Variants in SLC9A9 observed in about 807,000 individuals in gnomAD.
SLC9A9 encodes sodium/hydrogen exchanger 9.
In SLC9A9, 62 loss-of-function variants were observed where a neutral mutation model predicts 77.8. The ratio of observed to expected loss-of-function variants is 0.80; its 90% CI spans 0.65 to 0.98. SLC9A9 has a LOEUF of 0.98. SLC9A9 is among the 50% of genes least tolerant of loss of function. The pLI is 0.00. For missense variants in SLC9A9, 775 were observed against 774.9 expected, an observed-to-expected ratio of 1.00 and a Z score of 0.00; for synonymous variants, 320 against 283.5, an observed-to-expected ratio of 1.13 and a Z score of -1.29.
intron 12 of SLC9A9, among the ~76,000 whole-genome samples, chr3:143,455,875 C>T (rs934702284): frequency 6.6e-6 from 1 of 151,202 alleles, no homozygotes; most frequent in Non-Finnish European, 1.5e-5. Flanking sequence ...TTCTCTCTCT[C>T]TACACTGTAT....
intron 1 of SLC9A9, among the ~76,000 whole-genome samples, chr3:143,841,842 A>T (rs1228361235): frequency 6.6e-6 from 1 of 151,152 alleles, no homozygotes; most frequent in African/African-American, 2.4e-5. Context: ...CAACCTCCGC[A>T]TCCTGAGTTC....
chr3:143,640,424 G>T (rs2038602171), intron 6 of SLC9A9, among the ~76,000 whole-genome samples: 1 of 152,078 alleles, frequency 6.6e-6, no homozygotes, highest in African/African-American at 2.4e-5. Flanking sequence ...TGGCTATATT[G>T]GGCCCAGACT....
chr3:143,377,286 A>G (rs2033200239), intron 13 of SLC9A9, among the ~76,000 whole-genome samples: 1 of 152,184 alleles, frequency 6.6e-6, no homozygotes, highest in African/African-American at 2.4e-5. Context: ...AAGGTATTCC[A>G]GGTTATGGTT....
chr3:143,290,268 C>A (rs1325915971), intron 14 of SLC9A9, among the ~76,000 whole-genome samples: 2 of 152,216 alleles, frequency 1.3e-5, no homozygotes, highest in African/African-American at 4.8e-5. Context: ...TGTGGTCACT[C>A]CCTAATCATG....
chr3:143,400,590 T>A (rs953659659), intron 12 of SLC9A9, among the ~76,000 whole-genome samples: 2 of 151,952 alleles, frequency 1.3e-5, no homozygotes, highest in East Asian at 3.9e-4. Flanking sequence ...CAGTGTATAC[T>A]ACTCGGGTGA....
Position 143,649,272 on chromosome 3 carries a change from G to A in SLC9A9, c.755+2983C>T, listed in dbSNP as rs185563495. On this transcript the variant is annotated intron_variant, in intron 6 of 15. Coordinates refer to ENST00000316549, the MANE Select transcript of SLC9A9 (RefSeq NM_173653.4). Reference sequence around the variant, plus strand: ...ACATTTAGAAATGCAAATCTATCATGTGGAATTCATTTGTGAGGCAGTATG... The same window carrying A: ...ACATTTAGAAATGCAAATCTATCATATGGAATTCATTTGTGAGGCAGTATG... Among the ~76,000 whole-genome samples, 3 of 152,292 alleles carry A rather than the reference G, an allele frequency of 2.0e-5. No homozygotes were observed. The East Asian group carries it at 5.8e-4, about 29-fold the overall frequency.
chr3:143,307,873 T>A (rs928456218), intron 14 of SLC9A9, among the ~76,000 whole-genome samples: 11 of 152,186 alleles, frequency 7.2e-5, no homozygotes, highest in African/African-American at 2.7e-4. Flanking sequence ...AGCAGTAGGC[T>A]AACCAAATCA....
chr3:143,524,562 T>C (rs557226970), intron 9 of SLC9A9, among the ~76,000 whole-genome samples: 18 of 152,288 alleles, frequency 1.2e-4, no homozygotes, highest in African/African-American at 3.4e-4. Context: ...CATATTTTTT[T>C]GAAATAAGGC....
chr3:143,493,622 G>A, intron 11 of SLC9A9, 31 bp downstream of exon 11: 1 of 1,572,244 alleles, frequency 6.4e-7, no homozygotes, highest in Non-Finnish European at 8.8e-7. Flanking sequence ...GAGAAAACCA[G>A]CAGCACTAAC....
chr3:143,301,287 C>A (rs968328650), intron 14 of SLC9A9, among the ~76,000 whole-genome samples: 2 of 152,210 alleles, frequency 1.3e-5, no homozygotes, highest in Non-Finnish European at 2.9e-5. Flanking sequence ...AATATTCAAA[C>A]TATAGTCTTC....
chr3:143,803,619 T>G (rs559774521), intron 2 of SLC9A9, among the ~76,000 whole-genome samples: 2 of 152,296 alleles, frequency 1.3e-5, no homozygotes, highest in African/African-American at 4.8e-5. Flanking sequence ...GATGAAGTTC[T>G]ATTCTTTACT....
intron 12 of SLC9A9, among the ~76,000 whole-genome samples, chr3:143,431,199 C>T (rs2034506642): frequency 6.6e-6 from 1 of 152,116 alleles, no homozygotes; most frequent in Non-Finnish European, 1.5e-5. Context: ...TCTCTAAGTC[C>T]CTTTCCTTCA....
At chr3:143,341,477 C>T (rs1004557771) in intron 14 of SLC9A9, among the ~76,000 whole-genome samples, 1 of 152,096 alleles carries the variant, frequency 6.6e-6, no homozygotes, top group Non-Finnish European at 1.5e-5. Flanking sequence ...GGAGAACACC[C>T]TGCAATAATC....
intron 5 of SLC9A9, 148 bp from the exon 6 acceptor site, chr3:143,652,508 A>T: frequency 1.4e-6 from 1 of 702,842 alleles, no homozygotes; most frequent in Admixed American, 2.2e-5. Context: ...TTCAAAAAAT[A>T]TCTGATGCTT....
At chr3:143,375,603 G>A (rs554684587) in intron 13 of SLC9A9, among the ~76,000 whole-genome samples, 5 of 152,234 alleles carry the variant, frequency 3.3e-5, no homozygotes, top group South Asian at 2.1e-4. Context: ...CCCTATTAAG[G>A]TTATCCTAGA....
chr3:143,551,507 C>A (rs865840831), intron 9 of SLC9A9, among the ~76,000 whole-genome samples: 1 of 152,216 alleles, frequency 6.6e-6, no homozygotes, highest in South Asian at 2.1e-4. Flanking sequence ...CCCTTGGCCT[C>A]AAATGCCCTT....
intron 4 of SLC9A9, among the ~76,000 whole-genome samples, chr3:143,770,583 A>C (rs1320342124): frequency 2.0e-5 from 3 of 152,198 alleles, no homozygotes; most frequent in African/African-American, 7.2e-5. Flanking sequence ...AAATAATCCA[A>C]ACATAAACAA....
At chr3:143,681,659 T>C (rs1270638344) in intron 5 of SLC9A9, among the ~76,000 whole-genome samples, 2 of 152,364 alleles carry the variant, frequency 1.3e-5, no homozygotes, top group Admixed American at 6.5e-5. Context: ...ATTCTGACTA[T>C]TTCAGGAATT....
chr3:143,580,360 G>A (rs2037432134), intron 6 of SLC9A9, among the ~76,000 whole-genome samples: 1 of 152,100 alleles, frequency 6.6e-6, no homozygotes, highest in Non-Finnish European at 1.5e-5. Context: ...TTAACCTGTG[G>A]TTGCCACTAG....
Sources: allele counts gnomAD v4.1 joint callset (sites outside exome capture counted in the v4.1 genomes callset), GRCh38; gene constraint gnomAD v4.1.1; transcripts MANE v1.5; gene names NCBI Gene and HGNC (gene_info 2026-07-23, HGNC 2026-07-21).